Variants in TNFRSF25 observed in about 807,000 individuals in gnomAD.
The protein encoded by TNFRSF25 is TNF receptor superfamily member 25.
A neutral mutation model predicts 49.4 loss-of-function variants in TNFRSF25; 28 were observed. That is an observed-to-expected ratio of 0.57 (90% CI 0.42 to 0.78). TNFRSF25 has a LOEUF of 0.78. Ranked by LOEUF, TNFRSF25 falls within the 30% of genes least tolerant of loss-of-function variation. TNFRSF25 has a pLI of 0.00. For missense variants in TNFRSF25, 531 were observed against 581.6 expected (o/e 0.91, Z 0.90); for synonymous variants, 240 against 234.2 (o/e 1.02, Z -0.23).
intron 5 of TNFRSF25, 35 bp downstream of exon 5, chr1:6,464,340 G>A (rs369667826): frequency 4.8e-5 from 76 of 1,580,974 alleles, no homozygotes; most frequent in South Asian, 2.4e-4. Flanking sequence ...GCTCCCAGCC[G>A]CCCTTCCCTC....
At position 6,461,218 on chromosome 1, in the gene TNFRSF25, G is replaced by A. The variant is rs45481403; in HGVS notation, c.*216C>T. On this transcript the variant is annotated 3_prime_UTR_variant, in exon 10 of 10. Transcript: ENST00000356876. The surrounding 1 kb of genome is among the most constrained non-coding windows in gnomAD (Gnocchi z 6.3). ...ATCTCAGCCAAACTCCGGCCGAGAA[G>A]TTGAGAAATGTCTTCACCCCCTCTC... 8,079 of 733,066 alleles carry A rather than the reference G, an allele frequency of 0.011. 341 individuals carry two copies. Among genetic ancestry groups the A allele is most frequent in the African/African-American group, 0.11 (6,087 of 57,518 alleles). The allele number at this position is 733,066 out of a possible 1,614,324, so 45.4% of individuals were successfully genotyped here.
intron 5 of TNFRSF25, chr1:6,464,142 G>A (rs1644262672): frequency 2.1e-6 from 3 of 1,398,290 alleles, no homozygotes; most frequent in Non-Finnish European, 2.8e-6. Flanking sequence ...ATCGCTGGGG[G>A]GAATGCTGGC....
rs912838101 is a variant in TNFRSF25 at position 6,465,079 on chromosome 1, G to T, written c.295+9C>A. ...GGAACTCCCTGCCAAGCACTGAGAA[G>T]CCCCTCACCCTGCTCATCACAGGCC... On this transcript the variant is annotated intron_variant, in intron 3 of 9. Transcript: ENST00000356876. 6.2e-7 allele frequency: 1 copy of T among 1,608,640 alleles called. No homozygotes were observed. The highest frequency in any genetic ancestry group is 8.5e-7 in the Non-Finnish European group (1 of 1,177,604).
chr1:6,465,037 A>C, intron 3 of TNFRSF25, 51 bp downstream of exon 3: 3 of 1,572,696 alleles, frequency 1.9e-6, no homozygotes, highest in Non-Finnish European at 2.6e-6. Context: ...CACTTCCTTC[A>C]GAAAGGCCTG....
chr1:6,462,700 A>G lies in TNFRSF25; in HGVS notation c.707-34T>C. 6.2e-7 allele frequency: 1 copy of G among 1,610,958 alleles called. No homozygotes were observed. The highest frequency in any genetic ancestry group is 2.2e-5 in the East Asian group (1 of 44,878). ...CACAGAGAGATTGCGGTCAGCCACC[A>G]GGCAAGCCTCCTGGACCTGGGTGCT... On this transcript the variant is annotated intron_variant, in intron 7 of 9. Coordinates refer to ENST00000356876, the MANE Select transcript of TNFRSF25 (RefSeq NM_003790.3). This position sits in a 1 kb window ranked among gnomAD's most constrained non-coding sequence, Gnocchi z 4.2.
intron 1 of TNFRSF25, 120 bp from the exon 2 acceptor site, chr1:6,465,680 C>A: frequency 6.8e-7 from 1 of 1,473,046 alleles, no homozygotes. Flanking sequence ...TTCCCAGGCC[C>A]CGGGCAGAAG....
Position 6,462,720 on chromosome 1 carries a change from G to A in TNFRSF25, c.707-54C>T, listed in dbSNP as rs1644213920. The A allele has an allele frequency of 2.1e-5, 33 of 1,604,646 alleles. No individual in the cohort carries two copies. Among genetic ancestry groups the A allele is most frequent in the Non-Finnish European group, 2.6e-5 (31 of 1,175,394 alleles). ...CCACCAGGCAAGCCTCCTGGACCTG[G>A]GTGCTGGTACAGCTCCTCTAGGGTT... On this transcript the variant is annotated intron_variant, in intron 7 of 9. Coordinates refer to ENST00000356876, the MANE Select transcript of TNFRSF25 (RefSeq NM_003790.3). The surrounding 1 kb of genome is among the most constrained non-coding windows in gnomAD (Gnocchi z 4.2).
At chr1:6,464,970 G>A in intron 3 of TNFRSF25, 118 bp downstream of exon 3, 3 of 1,453,540 alleles carry the variant, frequency 2.1e-6, no homozygotes, top group Non-Finnish European at 2.8e-6. Context: ...CAGGGTGGAG[G>A]GTTCTGGCAA....
chr1:6,466,119 G>A lies in TNFRSF25; in HGVS notation c.-12C>T, dbSNP rs757323500. 2 of 1,511,482 alleles carry A rather than the reference G, an allele frequency of 1.3e-6. No individual in the cohort carries two copies. The highest frequency in any genetic ancestry group is 2.2e-5 in the Admixed American group (1 of 46,232). 93.6% of individuals were successfully genotyped at this position (1,511,482 alleles called of 1,614,324 possible). Reference sequence around the variant, plus strand: ...GGCCGCTGCTCCATAGCCCTCCGACGGGCGCCCAGGGGCTTCCCGGCTCCG... The same window carrying A: ...GGCCGCTGCTCCATAGCCCTCCGACAGGCGCCCAGGGGCTTCCCGGCTCCG... On this transcript the variant is annotated 5_prime_UTR_variant, in exon 1 of 10. Coordinates refer to ENST00000356876, the MANE Select transcript of TNFRSF25 (RefSeq NM_003790.3).
chr1:6,464,341 C>T lies in TNFRSF25; in HGVS notation c.542+34G>A, dbSNP rs373488267. The T allele has an allele frequency of 7.6e-4, 1,207 of 1,582,624 alleles. 4 individuals carry two copies. In the Middle Eastern group the frequency reaches 8.4e-3, roughly 11 times the overall value. On this transcript the variant is annotated intron_variant, in intron 5 of 9. Transcript: ENST00000356876. ...CAGGCCCCTGCTCTGCTCCCAGCCG[C>T]CCTTCCCTCCATCCCACGACAGCTA... is the stretch of plus-strand genomic sequence containing the variant.
At position 6,465,513 on chromosome 1, in the gene TNFRSF25, A is replaced by G; in HGVS notation, c.87T>C (p.Arg29=). The change falls in exon 2 of 10, where the codon CGT becomes CGC. Residue 29 remains arginine, a synonymous_variant. Coordinates refer to ENST00000356876, the MANE Select transcript of TNFRSF25 (RefSeq NM_003790.3). ...CACCGGCACAGTCACACCTGGGGCT[A>G]CGAGTGCCGCCCTGGGCCCGGGCCC... is the stretch of plus-strand genomic sequence containing the variant. ...LLGARAQGGT[R]SPRCDCAGDF... 6.2e-7 allele frequency: 1 copy of G among 1,613,748 alleles called. No individual in the cohort carries two copies. Among genetic ancestry groups the G allele is most frequent in the Non-Finnish European group, 8.5e-7 (1 of 1,179,952 alleles).
chr1:6,463,251 G>A, intron 5 of TNFRSF25, 124 bp from the exon 6 acceptor site: 2 of 912,142 alleles, frequency 2.2e-6, no homozygotes, highest in South Asian at 1.7e-5. Context: ...CTCTACCCAA[G>A]AATGTTCCTG....
At chr1:6,464,176 A>G (rs1644264279) in intron 5 of TNFRSF25, 199 bp downstream of exon 5, 2 of 1,440,254 alleles carry the variant, frequency 1.4e-6, no homozygotes, top group Non-Finnish European at 1.8e-6. Context: ...AAATACCCTT[A>G]TGTATCTGGC....
rs1377286971 is a variant in TNFRSF25, at chr1:6,465,236, C to T, written c.161-14G>A. On this transcript the variant is annotated splice_polypyrimidine_tract_variant and intron_variant, in intron 2 of 9. Transcript: ENST00000356876. ...TCAGGTAGTGCCCTGTGGAACCAGGCAGGGGTCAGGCAGGCAGAGGGGCTG... is the reference window on the plus strand; with the variant it reads ...TCAGGTAGTGCCCTGTGGAACCAGGTAGGGGTCAGGCAGGCAGAGGGGCTG... The T allele has an allele frequency of 1.2e-6, 2 of 1,601,768 alleles. No individual in the cohort carries two copies. Among genetic ancestry groups the T allele is most frequent in the Non-Finnish European group, 1.7e-6 (2 of 1,174,736 alleles).
chr1:6,461,587 C>T lies in TNFRSF25; in HGVS notation c.1101G>A (p.Glu367=), dbSNP rs1309930253. ...ACTGCTGGTCTCGGAAGCGGCCGAT[C>T]TCCACCTCCACGGCTTCGATCTCTG... The part of the protein sequence containing the change: ...REAEIEAVEV[E]IGRFRDQQYE... The change falls in exon 10 of 10, where the codon GAG becomes GAA. Residue 367 remains glutamate, a synonymous_variant. Transcript: ENST00000356876. This position sits in a 1 kb window ranked among gnomAD's most constrained non-coding sequence, Gnocchi z 6.3. 3.7e-6 allele frequency: 6 copies of T among 1,610,418 alleles called. No individual in the cohort carries two copies. The highest frequency in any genetic ancestry group is 4.2e-6 in the Non-Finnish European group (5 of 1,179,508).
Position 6,465,478 on chromosome 1 carries a change from T to C in TNFRSF25, c.122A>G (p.Lys41Arg). ...TCTGCAACAAAACAGACCAATCTTC[T>C]TGTGGAAGTCACCGGCACAGTCACA... ...PRCDCAGDFH[K>R]KIGLFCCRGC... The change falls in exon 2 of 10, where the codon AAG becomes AGG. Residue 41 changes from lysine (K) to arginine (R), a missense_variant. Coordinates refer to ENST00000356876, the MANE Select transcript of TNFRSF25 (RefSeq NM_003790.3). The C allele has an allele frequency of 6.2e-7, 1 of 1,614,016 alleles. No homozygotes were observed. The highest frequency in any genetic ancestry group is 8.5e-7 in the Non-Finnish European group (1 of 1,180,008).
chr1:6,462,671 C>CAGACACAGAGAGACACAG lies in TNFRSF25; in HGVS notation c.707-6_707-5insCTGTGTCTCTCTGTGTCT, dbSNP rs761686972. On this transcript the variant is annotated splice_polypyrimidine_tract_variant and splice_region_variant and intron_variant, in intron 7 of 9. Coordinates refer to ENST00000356876, the MANE Select transcript of TNFRSF25 (RefSeq NM_003790.3). This position sits in a 1 kb window ranked among gnomAD's most constrained non-coding sequence, Gnocchi z 4.2. ...CCTCCATCCCAGCTTCATCTGCTGA[C>CAGACACAGAGAGACACAG]AGACACAGAGAGATTGCGGTCAGCC... 6 of 1,613,536 alleles carry CAGACACAGAGAGACACAG rather than the reference C, an allele frequency of 3.7e-6. No individual in the cohort carries two copies. The African/African-American group carries it at 8.0e-5, about 22-fold the overall frequency.
chr1:6,462,860 T>G lies in TNFRSF25; in HGVS notation c.706+3A>C. 3 of 1,605,444 alleles carry G rather than the reference T, an allele frequency of 1.9e-6. No homozygotes were observed. Among genetic ancestry groups the G allele is most frequent in the Non-Finnish European group, 2.6e-6 (3 of 1,175,762 alleles). ...GGGTGCGTGTGTGGGTGTGTGTACT[T>G]ACCAGTAACCAGGGGCTTGTGAGGC... On this transcript the variant is annotated splice_donor_region_variant and intron_variant, in intron 7 of 9. Transcript: ENST00000356876. The surrounding 1 kb of genome is among the most constrained non-coding windows in gnomAD (Gnocchi z 4.2).
chr1:6,464,635 A>G lies in TNFRSF25; in HGVS notation c.380T>C (p.Val127Ala). 1 of 1,614,002 alleles carries G rather than the reference A, an allele frequency of 6.2e-7. No individual in the cohort carries two copies. The highest frequency in any genetic ancestry group is 8.5e-7 in the Non-Finnish European group (1 of 1,179,996). Residue 127 changes from valine (V) to alanine (A), a missense_variant, in exon 4 of 10, where the codon GTC becomes GCC. Transcript: ENST00000356876. ...GGGTGAACTGCTGACACATTGGCTGACCTGGCACTCCACAAACCAGCCTGG... is the reference window on the plus strand; with the variant it reads ...GGGTGAACTGCTGACACATTGGCTGGCCTGGCACTCCACAAACCAGCCTGG... ...CKPGWFVECQ[V>A]SQCVSSSPFY...
Sources: allele counts gnomAD v4.1 joint callset, GRCh38; gene constraint gnomAD v4.1.1; non-coding constraint Gnocchi (gnomAD v3.1); transcripts MANE v1.5; gene names NCBI Gene and HGNC (gene_info 2026-07-23, HGNC 2026-07-21).